IFFO1: variants seen among roughly 807,000 people sequenced by gnomAD.
IFFO1 encodes intermediate filament family orphan 1.
Under a neutral mutation model 59.6 loss-of-function variants are expected in IFFO1, and 42 were observed. That is an observed-to-expected ratio of 0.70 (90% CI 0.55 to 0.91). IFFO1 has a LOEUF of 0.91. Ranked by LOEUF, IFFO1 falls within the 40% of genes least tolerant of loss-of-function variation. The pLI, the probability that IFFO1 is intolerant of heterozygous loss-of-function variation, is 0.00. For missense variants in IFFO1, 711 were observed against 793.2 expected (o/e 0.90, Z 1.24); for synonymous variants, 336 against 342.8 (o/e 0.98, Z 0.22).
At position 6,555,606 on chromosome 12, in the gene IFFO1, C is replaced by A; in HGVS notation, c.424G>T (p.Gly142Cys). Reference sequence around the variant, plus strand: ...CTGCAGACAGCGGCCGGCCGGGCGCCCAGCTGCAGCCCCAGGGGCCGGATG... The same window carrying A: ...CTGCAGACAGCGGCCGGCCGGGCGCACAGCTGCAGCCCCAGGGGCCGGATG... The part of the protein sequence containing the change: ...SPIRPLGLQL[G>C]ARPAAVCSPS... Residue 142 changes from glycine (G) to cysteine (C), a missense_variant, in exon 1 of 10, where the codon GGC (glycine) becomes TGC (cysteine). Around this residue, in one of 3 missense-constraint regions of IFFO1, gnomAD observed 579 missense variants for 650.3 expected, o/e 0.89. Coordinates refer to ENST00000619571, the MANE Select transcript of IFFO1 (RefSeq NM_001193457.2). This position sits in a 1 kb window ranked among gnomAD's most constrained non-coding sequence, Gnocchi z 8.6. 1 of 1,424,686 alleles carries A rather than the reference C, an allele frequency of 7.0e-7. No homozygotes were observed. 88.3% of individuals were successfully genotyped at this position (1,424,686 alleles called of 1,614,324 possible). A position where few individuals can be genotyped will look rare whatever the true frequency, so the allele number is the denominator to read the frequency against.
In IFFO1 at chr12:6,555,172, C is replaced by T; in HGVS notation, c.773+85G>A. 7.3e-7 allele frequency: 1 copy of T among 1,365,000 alleles called. No individual in the cohort carries two copies. Among genetic ancestry groups the T allele is most frequent in the South Asian group, 1.2e-5 (1 of 85,842 alleles). The allele number at this position is 1,365,000 out of a possible 1,614,324, so 84.6% of individuals were successfully genotyped here. A position where few individuals can be genotyped will look rare whatever the true frequency, so the allele number is the denominator to read the frequency against. ...AACTTTACTCTCATTCTTTTCACCCCTGATTCTTCGGAACCCACACCAACT... is the reference window on the plus strand; with the variant it reads ...AACTTTACTCTCATTCTTTTCACCCTTGATTCTTCGGAACCCACACCAACT... On this transcript the variant is annotated intron_variant, in intron 1 of 9. Coordinates refer to ENST00000619571, the MANE Select transcript of IFFO1 (RefSeq NM_001193457.2). The surrounding 1 kb of genome is among the most constrained non-coding windows in gnomAD (Gnocchi z 8.6).
At chr12:6,551,431 G>A (rs1043849467) in intron 1 of IFFO1, 31 of 1,297,858 alleles carry the variant, frequency 2.4e-5, no homozygotes, top group Non-Finnish European at 2.9e-5. Flanking sequence ...CCCGCCTCCT[G>A]CCCGCACCAG....
rs199687703 is a variant in IFFO1 at position 6,555,914 on chromosome 12, G to A, written c.116C>T (p.Pro39Leu). ...GCCGGCCGGCGAGAGAGGCGCCGGG[G>A]GCAAGTCTCCTCCCCCGGCGAAGTG... is the stretch of plus-strand genomic sequence containing the variant. ...GDHFAGGGDL[P>L]PAPLSPAGPA... The change falls in exon 1 of 10, where the codon CCC becomes CTC. Residue 39 changes from proline to leucine, a missense_variant. Coordinates refer to ENST00000619571, the MANE Select transcript of IFFO1 (RefSeq NM_001193457.2). This position sits in a 1 kb window ranked among gnomAD's most constrained non-coding sequence, Gnocchi z 8.6. 103 of 1,553,908 alleles carry A rather than the reference G, an allele frequency of 6.6e-5. No homozygotes were observed. In the Admixed American group the frequency reaches 1.9e-3, roughly 29 times the overall value.
Position 6,550,967 on chromosome 12 carries a change from G to A in IFFO1, c.808C>T (p.Gln270Ter). The A allele has an allele frequency of 6.2e-7, 1 of 1,614,228 alleles. No individual in the cohort carries two copies. Reference sequence around the variant, plus strand: ...TCCTGGAGCTCATTTACACGGTCTTGCAGCTGGATCCGCACCGTGTACTCC... The same window carrying A: ...TCCTGGAGCTCATTTACACGGTCTTACAGCTGGATCCGCACCGTGTACTCC... Reference protein sequence around the residue: ...EEEYTVRIQLQDRVNELQEEA... With the variant: ...EEEYTVRIQL The change falls in exon 2 of 10, where the codon CAA (glutamine) becomes TAA (stop). Residue 270 changes from glutamine to a stop codon, truncating the protein, a stop_gained. Coordinates refer to ENST00000619571, the MANE Select transcript of IFFO1 (RefSeq NM_001193457.2). LOFTEE classifies it high-confidence loss of function.
At position 6,549,758 on chromosome 12, in the gene IFFO1, G is replaced by A. The variant is rs1947152016; in HGVS notation, c.1069C>T (p.Gln357Ter). The change falls in exon 4 of 10, where the codon CAG becomes TAG. Residue 357 changes from glutamine to a stop codon, truncating the protein, a stop_gained and splice_region_variant. Transcript: ENST00000619571. LOFTEE classifies it high-confidence loss of function. This position sits in a 1 kb window ranked among gnomAD's most constrained non-coding sequence, Gnocchi z 5.0. The stretch of plus-strand genomic sequence containing the variant: ...GCAGAGGGCAGCTCCGTCCTCACCT[G>A]GAACATCTGGATCATGTCCTCGCAG... ...RNCEDMIQMF[Q>*]KKLSLHLSPI... 6.2e-7 allele frequency: 1 copy of A among 1,612,440 alleles called. No individual in the cohort carries two copies. The highest frequency in any genetic ancestry group is 1.3e-5 in the African/African-American group (1 of 75,030).
In IFFO1 at chr12:6,556,022, G is replaced by C. The variant is rs1221231134; in HGVS notation, c.8C>G (p.Pro3Arg). 1.3e-6 allele frequency: 2 copies of C among 1,579,946 alleles called. No individual in the cohort carries two copies. The highest frequency in any genetic ancestry group is 8.5e-7 in the Non-Finnish European group (1 of 1,171,160). ...GAGGAAGAGGTTGGGGCCGAATAAC[G>C]GATTCATGGCTGCGCCTTCTGCTGG... MNPLFGPNLFLLQ... is the reference protein window; with the variant it reads MNRLFGPNLFLLQ... The change falls in exon 1 of 10, where the codon CCG (proline) becomes CGG (arginine). Residue 3 changes from proline (P) to arginine (R), a missense_variant. By Grantham distance (103) the Pro-to-Arg change is moderately radical. Coordinates refer to ENST00000619571, the MANE Select transcript of IFFO1 (RefSeq NM_001193457.2).
downstream of IFFO1, chr12:6,539,182 G>T (rs1369988494): frequency 6.6e-6 from 1 of 151,816 alleles, no homozygotes; most frequent in Non-Finnish European, 1.5e-5. Context: ...CCTCGGTAGA[G>T]CGCGCACGCC....
chr12:6,555,497 G>A lies in IFFO1; in HGVS notation c.533C>T (p.Ser178Phe), dbSNP rs747564929. The change falls in exon 1 of 10, where the codon TCC (serine) becomes TTC (phenylalanine). Residue 178 changes from serine to phenylalanine, a missense_variant. Transcript: ENST00000619571. The surrounding 1 kb of genome is among the most constrained non-coding windows in gnomAD (Gnocchi z 8.6). ...APSAASLSSS[S>F]TSTSTTYSSS... is the part of the protein sequence containing the mutation. Reference sequence around the variant, plus strand: ...GGAATAGGTGGTGGAGGTGGAGGTGGAGGACGACGAGAGGCTGGCCGCGGA... The same window carrying A: ...GGAATAGGTGGTGGAGGTGGAGGTGAAGGACGACGAGAGGCTGGCCGCGGA... The A allele has an allele frequency of 9.4e-6, 15 of 1,602,786 alleles. No homozygotes were observed. The East Asian group carries it at 3.4e-4, about 36-fold the overall frequency.
chr12:6,548,961 G>C lies in IFFO1; in HGVS notation c.1081-112C>G, dbSNP rs898778288. 2 of 873,376 alleles carry C rather than the reference G, an allele frequency of 2.3e-6. No homozygotes were observed. The highest frequency in any genetic ancestry group is 3.5e-6 in the Non-Finnish European group (2 of 571,976). The allele number at this position is 873,376 out of a possible 1,614,324, so 54.1% of individuals were successfully genotyped here. A position where few individuals can be genotyped will look rare whatever the true frequency, so the allele number is the denominator to read the frequency against. On this transcript the variant is annotated intron_variant, in intron 5 of 9. Coordinates refer to ENST00000619571, the MANE Select transcript of IFFO1 (RefSeq NM_001193457.2). The surrounding 1 kb of genome is among the most constrained non-coding windows in gnomAD (Gnocchi z 6.1). ...CCAGTAGGAAGGGGGGGCAGACAGA[G>C]AGAAAAGTCACAGTTACAATGACAG...
chr12:6,555,268 C>T lies in IFFO1; in HGVS notation c.762G>A (p.Glu254=), dbSNP rs754484645. ...VLAKVKRERD[E]YKRRWEEEYT... ...TTCCCAATCCCTACCTCCGCTTGTA[C>T]TCGTCCCGCTCCCGCTTCACTTTGG... is the stretch of plus-strand genomic sequence containing the variant. The change falls in exon 1 of 10, where the codon GAG becomes GAA. Residue 254 remains glutamate, a synonymous_variant. Coordinates refer to ENST00000619571, the MANE Select transcript of IFFO1 (RefSeq NM_001193457.2). The surrounding 1 kb of genome is among the most constrained non-coding windows in gnomAD (Gnocchi z 8.6). 4 of 1,614,166 alleles carry T rather than the reference C, an allele frequency of 2.5e-6. No individual in the cohort carries two copies. Among genetic ancestry groups the T allele is most frequent in the Non-Finnish European group, 3.4e-6 (4 of 1,180,016 alleles).
intron 8 of IFFO1, among the ~76,000 whole-genome samples, chr12:6,545,417 C>T (rs575661333): frequency 2.0e-5 from 3 of 152,118 alleles, no homozygotes; most frequent in African/African-American, 7.2e-5. Context: ...CTCTCTCTGC[C>T]GGGCGCGGTG....
At chr12:6,545,961 G>A (rs1023898817) in intron 8 of IFFO1, among the ~76,000 whole-genome samples, 3 of 152,152 alleles carry the variant, frequency 2.0e-5, no homozygotes, top group African/African-American at 7.2e-5. Flanking sequence ...TAAGTGAAAA[G>A]GTAAAAGTTT....
rs755752669 is a variant in IFFO1, at chr12:6,554,295, G to A, written c.773+962C>T. Among the ~76,000 whole-genome samples, 7 of 152,268 alleles carry A rather than the reference G, an allele frequency of 4.6e-5. No individual in the cohort carries two copies. The East Asian group carries it at 1.4e-3, about 29-fold the overall frequency. On this transcript the variant is annotated intron_variant, in intron 1 of 9. Coordinates refer to ENST00000619571, the MANE Select transcript of IFFO1 (RefSeq NM_001193457.2). ...AATAGCTGAGATGAGAGGGGAGGCC[G>A]CCAAACCAAAGCCTGTCAGTCACCC...
At position 6,555,934 on chromosome 12, in the gene IFFO1, G is replaced by A; in HGVS notation, c.96C>T (p.Phe32=). 6 of 1,551,322 alleles carry A rather than the reference G, an allele frequency of 3.9e-6. No homozygotes were observed. The highest frequency in any genetic ancestry group is 5.2e-6 in the Non-Finnish European group (6 of 1,154,358). Reference sequence around the variant, plus strand: ...CCGGGGGCAAGTCTCCTCCCCCGGCGAAGTGGTCGCCTCCCAGTGAGTCCC... The same window carrying A: ...CCGGGGGCAAGTCTCCTCCCCCGGCAAAGTGGTCGCCTCCCAGTGAGTCCC... ...PLGDSLGGDH[F]AGGGDLPPAP... is the part of the protein sequence containing the mutation. Residue 32 remains phenylalanine (F), a synonymous_variant, in exon 1 of 10, where the codon TTC becomes TTT. Transcript: ENST00000619571. The surrounding 1 kb of genome is among the most constrained non-coding windows in gnomAD (Gnocchi z 8.6).
chr12:6,549,870 G>A lies in IFFO1; in HGVS notation c.957C>T (p.Ile319=), dbSNP rs778904801. The A allele has an allele frequency of 1.4e-5, 23 of 1,614,026 alleles. No homozygotes were observed. The South Asian group carries it at 2.4e-4, about 17-fold the overall frequency. The change falls in exon 4 of 10, where the codon ATC becomes ATT. Residue 319 remains isoleucine, a synonymous_variant. Coordinates refer to ENST00000619571, the MANE Select transcript of IFFO1 (RefSeq NM_001193457.2). The surrounding 1 kb of genome is among the most constrained non-coding windows in gnomAD (Gnocchi z 5.0). ...TATCCACCTTCATGGCTTTCTCCTG[G>A]ATCTTGGTGTCCAGCTCCGACAGGT... The part of the protein sequence containing the change: ...SNNLSELDTK[I]QEKAMKVDMD...
chr12:6,544,045 TC>T (rs1946839219), intron 8 of IFFO1, among the ~76,000 whole-genome samples: 1 of 151,918 alleles, frequency 6.6e-6, no homozygotes, highest in African/African-American at 2.4e-5. Context: ...CAAAATCATT[TC>T]CCCCGGGTCA....
intron 2 of IFFO1, 51 bp downstream of exon 2, chr12:6,550,890 A>C (rs368129065): frequency 5.5e-5 from 89 of 1,607,810 alleles, no homozygotes; most frequent in Non-Finnish European, 7.1e-5. Context: ...GGTCATGGGC[A>C]GACAGGGGTA....
At position 6,541,744 on chromosome 12, in the gene IFFO1, C is replaced by T. The variant is rs947893773; in HGVS notation, c.1480-102G>A. The T allele has an allele frequency of 2.0e-6, 3 of 1,475,384 alleles. No individual in the cohort carries two copies. Among genetic ancestry groups the T allele is most frequent in the South Asian group, 1.2e-5 (1 of 84,866 alleles). The allele number at this position is 1,475,384 out of a possible 1,614,324, so 91.4% of individuals were successfully genotyped here. ...AACACGCCAAGAGCAGTGGCTGGGC[C>T]GGGGGCCCAGGCAGCCATTACTGAA... On this transcript the variant is annotated intron_variant, in intron 8 of 9. Transcript: ENST00000619571. This position sits in a 1 kb window ranked among gnomAD's most constrained non-coding sequence, Gnocchi z 4.8.
Position 6,549,315 on chromosome 12 carries a change from C to A in IFFO1, c.1080+161G>T, listed in dbSNP as rs1947128879. On this transcript the variant is annotated intron_variant, in intron 5 of 9. Coordinates refer to ENST00000619571, the MANE Select transcript of IFFO1 (RefSeq NM_001193457.2). This position sits in a 1 kb window ranked among gnomAD's most constrained non-coding sequence, Gnocchi z 5.0. ...AGAGAAAGAAATGCAGTCAAGAGAA[C>A]AAGAGATAGAGAGAAAAAGGGGGAA... 2.9e-6 allele frequency: 2 copies of A among 698,674 alleles called. No homozygotes were observed. The highest frequency in any genetic ancestry group is 1.8e-5 in the South Asian group (1 of 56,846). 43.3% of individuals were successfully genotyped at this position (698,674 alleles called of 1,614,324 possible).
Sources: allele counts gnomAD v4.1 joint callset (sites outside exome capture counted in the v4.1 genomes callset), GRCh38; gene constraint gnomAD v4.1.1; regional missense constraint gnomAD v4.1.1; non-coding constraint Gnocchi (gnomAD v3.1); transcripts MANE v1.5; gene names NCBI Gene and HGNC (gene_info 2026-07-23, HGNC 2026-07-21).